PCDHGB6: variants seen among roughly 807,000 people sequenced by gnomAD.
PCDHGB6 encodes protocadherin gamma-B6.
PCDHGB6 carries 51 observed loss-of-function variants against 59.1 expected under a neutral mutation model. That is an observed-to-expected ratio of 0.86 (90% CI 0.69 to 1.09). PCDHGB6 has a LOEUF of 1.09. PCDHGB6 is among the 50% of genes least tolerant of loss of function. The pLI is 0.00. For missense variants in PCDHGB6, 1,148 were observed against 1,205.1 expected (o/e 0.95, Z 0.70); for synonymous variants, 466 against 495.1 (o/e 0.94, Z 0.78).
intron 1 of PCDHGB6, among the ~76,000 whole-genome samples, chr5:141,433,697 CGTG>C (rs1176871032): frequency 6.6e-6 from 1 of 152,020 alleles, no homozygotes; most frequent in Non-Finnish European, 1.5e-5. Context: ...ATTAGCCGGG[CGTG>C]GTGGTGCATG....
At chr5:141,415,935 C>T (rs2095972319) in intron 1 of PCDHGB6, 1 of 601,888 alleles carries the variant, frequency 1.7e-6, no homozygotes, top group Non-Finnish European at 2.4e-6. Flanking sequence ...TTTATATTTC[C>T]TCCTGGGTGG....
rs1374646530 is a variant in PCDHGB6, at chr5:141,431,339, T to C, written c.2418+20719T>C. ...AGCCGACGGTAGTAAGTACCCCGAA[T>C]TGGTGCTGAAACGCGCCCTGGACCG... On this transcript the variant is annotated intron_variant, in intron 1 of 3. Coordinates refer to ENST00000520790, the MANE Select transcript of PCDHGB6 (RefSeq NM_018926.3). This position sits in a 1 kb window ranked among gnomAD's most constrained non-coding sequence, Gnocchi z 4.8. 1 of 1,614,060 alleles carries C rather than the reference T, an allele frequency of 6.2e-7. No individual in the cohort carries two copies. The highest frequency in any genetic ancestry group is 8.5e-7 in the Non-Finnish European group (1 of 1,180,024).
rs765634746 is a variant in PCDHGB6 at position 141,418,621 on chromosome 5, C to A, written c.2418+8001C>A. On this transcript the variant is annotated intron_variant, in intron 1 of 3. Transcript: ENST00000520790. Reference sequence around the variant, plus strand: ...TGTACAGGGTTAGCCTTCGGGAAGACGTGCCTCCAGGCACCTCCATCCTGA... The same window carrying A: ...TGTACAGGGTTAGCCTTCGGGAAGAAGTGCCTCCAGGCACCTCCATCCTGA... 8 of 1,614,034 alleles carry A rather than the reference C, an allele frequency of 5.0e-6. No individual in the cohort carries two copies. The East Asian group carries it at 1.8e-4, about 36-fold the overall frequency.
rs147506725 is a variant in PCDHGB6, at chr5:141,442,240, G to A, written c.2418+31620G>A. Reference sequence around the variant, plus strand: ...CTTTAATTTCCTTTTTATTCTTCCTGATTGCATTGTTTGTGCTGGTTTTAA... The same window carrying A: ...CTTTAATTTCCTTTTTATTCTTCCTAATTGCATTGTTTGTGCTGGTTTTAA... On this transcript the variant is annotated intron_variant, in intron 1 of 3. Transcript: ENST00000520790. 1,291 of 153,334 alleles carry A rather than the reference G, an allele frequency of 8.4e-3. 26 individuals carry two copies. The highest frequency in any genetic ancestry group is 0.029 in the African/African-American group (1,208 of 41,552). 9.5% of individuals were successfully genotyped at this position (153,334 alleles called of 1,614,324 possible).
chr5:141,460,026 C>T (rs565259315), intron 1 of PCDHGB6, among the ~76,000 whole-genome samples: 36 of 152,090 alleles, frequency 2.4e-4, no homozygotes, highest in Non-Finnish European at 3.2e-4. Flanking sequence ...TGCAGTGAGC[C>T]GAGACTGCAC....
At chr5:141,414,894 A>T in intron 1 of PCDHGB6, 1 of 1,613,958 alleles carries the variant, frequency 6.2e-7, no homozygotes, top group South Asian at 1.1e-5. Flanking sequence ...CCCTCCCCAC[A>T]GACGGTTCCA....
In PCDHGB6 at chr5:141,486,518, A is replaced by G; in HGVS notation, c.2419-8289A>G. The G allele has an allele frequency of 6.2e-7, 1 of 1,614,132 alleles. No homozygotes were observed. Among genetic ancestry groups the G allele is most frequent in the Non-Finnish European group, 8.5e-7 (1 of 1,179,996 alleles). On this transcript the variant is annotated intron_variant, in intron 1 of 3. Coordinates refer to ENST00000520790, the MANE Select transcript of PCDHGB6 (RefSeq NM_018926.3). The surrounding 1 kb of genome is among the most constrained non-coding windows in gnomAD (Gnocchi z 5.0). ...TATTTTCCTCAATATTTCAGATGTG[A>G]ATGATAATCCACCCTCTTTCTTTCA...
rs1375469711 is a variant in PCDHGB6 at position 141,512,102 on chromosome 5, C to G, written c.*929C>G. On this transcript the variant is annotated 3_prime_UTR_variant, in exon 4 of 4. Coordinates refer to ENST00000520790, the MANE Select transcript of PCDHGB6 (RefSeq NM_018926.3). Reference sequence around the variant, plus strand: ...GCCATAAACCAATAACTAGGCTGGACCCTTCCCACTACATAATAGGGCTCA... The same window carrying G: ...GCCATAAACCAATAACTAGGCTGGAGCCTTCCCACTACATAATAGGGCTCA... The G allele has an allele frequency of 6.5e-6, 1 of 152,806 alleles. No individual in the cohort carries two copies. The highest frequency in any genetic ancestry group is 1.9e-4 in the East Asian group (1 of 5,182). The allele number at this position is 152,806 out of a possible 1,614,324, so 9.5% of individuals were successfully genotyped here. A position where few individuals can be genotyped will look rare whatever the true frequency, so the allele number is the denominator to read the frequency against.
intron 1 of PCDHGB6, chr5:141,419,440 C>T (rs368129873): frequency 1.9e-6 from 3 of 1,613,034 alleles, no homozygotes; most frequent in African/African-American, 2.7e-5. Context: ...AGCTGCGCAC[C>T]TTCGAGCTCA....
At chr5:141,441,864 G>A in intron 1 of PCDHGB6, 3 of 344,518 alleles carry the variant, frequency 8.7e-6, no homozygotes, top group Admixed American at 4.1e-5. Context: ...TGCACGCCGC[G>A]GAGCCTGGCT....
chr5:141,421,359 C>A (rs2096566292), intron 1 of PCDHGB6: 6 of 1,614,012 alleles, frequency 3.7e-6, no homozygotes, highest in Non-Finnish European at 5.1e-6. Context: ...AAAAGGGCTC[C>A]TTCGTGGGCA....
chr5:141,505,443 C>A lies in PCDHGB6; in HGVS notation c.2528C>A (p.Thr843Lys). ...TGTWPNNQFD[T>K]EMLQAMILAS... ...ACCTGGCCCAACAACCAGTTTGACA[C>A]AGAGATGCTGCAAGCCATGATCTTG... Residue 843 changes from threonine to lysine, a missense_variant, in exon 3 of 4, where the codon ACA becomes AAA. Physicochemically the swap from Thr to Lys is moderately conservative, Grantham distance 78. Transcript: ENST00000520790. 2 of 1,614,224 alleles carry A rather than the reference C, an allele frequency of 1.2e-6. No homozygotes were observed. Among genetic ancestry groups the A allele is most frequent in the Non-Finnish European group, 8.5e-7 (1 of 1,180,042 alleles).
intron 1 of PCDHGB6, among the ~76,000 whole-genome samples, chr5:141,443,594 T>C (rs1040469046): frequency 1.3e-5 from 2 of 152,234 alleles, no homozygotes; most frequent in Non-Finnish European, 2.9e-5. Flanking sequence ...CAGAATGTGG[T>C]ATATGAAATG....
chr5:141,483,814 C>A (rs1262593892), intron 1 of PCDHGB6, among the ~76,000 whole-genome samples: 4 of 151,994 alleles, frequency 2.6e-5, no homozygotes, highest in African/African-American at 9.7e-5. Flanking sequence ...TTTTTGGCAG[C>A]CAGTGTAACC....
chr5:141,495,878 T>C (rs2099764378), intron 2 of PCDHGB6, among the ~76,000 whole-genome samples: 1 of 152,184 alleles, frequency 6.6e-6, no homozygotes, highest in African/African-American at 2.4e-5. Context: ...TTCCTCTCTG[T>C]TCTTTGTCTC....
intron 1 of PCDHGB6, chr5:141,424,500 G>A (rs2154550788): frequency 6.6e-6 from 1 of 152,208 alleles, no homozygotes; most frequent in African/African-American, 2.4e-5. Flanking sequence ...TGTATGTATG[G>A]AAGGTTTTTT....
At chr5:141,442,974 A>C (rs1444888648) in intron 1 of PCDHGB6, among the ~76,000 whole-genome samples, 1 of 152,176 alleles carries the variant, frequency 6.6e-6, no homozygotes, top group Non-Finnish European at 1.5e-5. Flanking sequence ...CTGGCTGATA[A>C]AGTTAGCCTA....
At chr5:141,413,687 T>C (rs1470256826) in intron 1 of PCDHGB6, 1 of 1,613,784 alleles carries the variant, frequency 6.2e-7, no homozygotes, top group South Asian at 1.1e-5. Flanking sequence ...GTGAACTCCC[T>C]GCAGAGCTAT....
chr5:141,432,793 C>T lies in PCDHGB6; in HGVS notation c.2418+22173C>T. 6.2e-7 allele frequency: 1 copy of T among 1,614,150 alleles called. No individual in the cohort carries two copies. Among genetic ancestry groups the T allele is most frequent in the Admixed American group, 1.7e-5 (1 of 60,032 alleles). ...AAGTCCTGGCGGACCTCGGCAGCCT[C>T]GAGTCTCCAGCTAACTCTGAAACCT... On this transcript the variant is annotated intron_variant, in intron 1 of 3. Transcript: ENST00000520790. The surrounding 1 kb of genome is among the most constrained non-coding windows in gnomAD (Gnocchi z 6.0).
Sources: gnomAD v4.1 joint callset for allele counts (sites outside exome capture counted in the v4.1 genomes callset) on GRCh38, gnomAD v4.1.1 for gene constraint, Gnocchi (gnomAD v3.1) non-coding constraint, MANE v1.5 for transcripts, NCBI Gene and HGNC (gene_info 2026-07-23, HGNC 2026-07-21) for gene names.